Variants in EPM2A observed in about 807,000 individuals in gnomAD.
EPM2A encodes the protein EPM2A glucan phosphatase, laforin.
A neutral mutation model predicts 26.5 loss-of-function variants in EPM2A; 21 were observed. The ratio of observed to expected loss-of-function variants is 0.79; its 90% CI spans 0.56 to 1.14. The LOEUF is 1.14. Ranked by LOEUF, EPM2A falls within the 50% of genes most tolerant of loss-of-function variation. The pLI is 0.00. For synonymous variants in EPM2A, 217 were observed against 177.6 expected, an observed-to-expected ratio of 1.22 and a Z score of -1.76; for missense variants, 458 against 440.8, an observed-to-expected ratio of 1.04 and a Z score of -0.35.
Position 145,627,539 on chromosome 6 carries a change from C to T in EPM2A, c.873G>A (p.Lys291=). Residue 291 remains lysine (K), a synonymous_variant, in exon 4 of 4, where the codon AAG becomes AAA. Transcript: ENST00000367519. ...LQYVMGWNLR[K]VQYFLMAKRP... ...TCTTGGCCATGAGGAAATACTGCACCTTCCTCAGATTCCAGCCCATCACAT... is the reference window on the plus strand; with the variant it reads ...TCTTGGCCATGAGGAAATACTGCACTTTCCTCAGATTCCAGCCCATCACAT... 1.9e-6 allele frequency: 3 copies of T among 1,614,222 alleles called. No homozygotes were observed. Among genetic ancestry groups the T allele is most frequent in the Non-Finnish European group, 2.5e-6 (3 of 1,180,014 alleles).
chr6:145,709,768 C>T (rs543374466), intron 1 of EPM2A, among the ~76,000 whole-genome samples: 1 of 152,008 alleles, frequency 6.6e-6, no homozygotes, highest in Non-Finnish European at 1.5e-5. Flanking sequence ...TGTAGAAGTT[C>T]TTTAGATCAT....
At position 145,698,610 on chromosome 6, in the gene EPM2A, G is replaced by GA. The variant is rs200938162; in HGVS notation, c.302-12315dup. Among the ~76,000 whole-genome samples, 1,448 of 145,086 alleles carry GA rather than the reference G, an allele frequency of 1.0e-2. 11 individuals are homozygous for GA. The highest frequency in any genetic ancestry group is 0.023 in the African/African-American group (908 of 39,272). ...CAAGTTAATTTGAAGAAACATAATAGAAAAAAAAAAAACAAGGTAAAAGCA... is the reference window on the plus strand; with the variant it reads ...CAAGTTAATTTGAAGAAACATAATAGAAAAAAAAAAAAACAAGGTAAAAGCA... On this transcript the variant is annotated intron_variant, in intron 1 of 3. Transcript: ENST00000367519.
At chr6:145,681,549 C>T (rs954391068) in intron 2 of EPM2A, among the ~76,000 whole-genome samples, 89 of 148,974 alleles carry the variant, frequency 6.0e-4, no homozygotes, top group Admixed American at 9.4e-4. Flanking sequence ...GTCTTTAATC[C>T]ATCTTGAATT....
In EPM2A at chr6:145,600,778, T is replaced by C. The variant is rs527571050; in HGVS notation, c.340+34467A>G. Among the ~76,000 whole-genome samples the C allele has an allele frequency of 6.6e-5, 10 of 152,288 alleles. No individual in the cohort carries two copies. The East Asian group carries it at 1.7e-3, about 26-fold the overall frequency. ...GAAGCACAGGACTTCCTTTAGGCAG[T>C]TTATCCTGACAACCTAGAGGGCCAT... On this transcript the variant is annotated intron_variant, in intron 2 of 3. Transcript: ENST00000450221.
At chr6:145,733,858 ATTT>A (rs201492473) in intron 1 of EPM2A, among the ~76,000 whole-genome samples, 1 of 149,488 alleles carries the variant, frequency 6.7e-6, no homozygotes, top group Non-Finnish European at 1.5e-5. Context: ...TAAATGGCCC[ATTT>A]TTTTTTTCAT....
At chr6:145,678,423 T>C (rs1452506279) in intron 2 of EPM2A, among the ~76,000 whole-genome samples, 1 of 152,138 alleles carries the variant, frequency 6.6e-6, no homozygotes, top group Non-Finnish European at 1.5e-5. Flanking sequence ...ACTAAAGAGC[T>C]TCTGCACAGC....
intron 4 of EPM2A, among the ~76,000 whole-genome samples, chr6:145,439,292 G>A (rs117345430): frequency 0.038 from 5,765 of 152,180 alleles, 162 homozygotes; most frequent in Non-Finnish European, 0.059. Context: ...GTGTCTTTAT[G>A]GAAGAAGAAT....
intron 2 of EPM2A, among the ~76,000 whole-genome samples, chr6:145,550,285 G>A (rs929563154): frequency 6.6e-6 from 1 of 152,010 alleles, no homozygotes. Flanking sequence ...CAAGAGAGGA[G>A]ACGAGAGGGC....
intron 2 of EPM2A, among the ~76,000 whole-genome samples, chr6:145,563,433 G>A (rs1482462228): frequency 6.6e-6 from 1 of 151,902 alleles, no homozygotes; most frequent in African/African-American, 2.4e-5. Context: ...AGAGGCCAGA[G>A]TGGTGGGAAT....
chr6:145,511,644 T>C (rs1035512169), intron 2 of EPM2A, among the ~76,000 whole-genome samples: 5 of 152,142 alleles, frequency 3.3e-5, no homozygotes, highest in Admixed American at 2.6e-4. Context: ...GTTAACATAA[T>C]ACTGAATGGG....
At chr6:145,473,512 C>T (rs1396230780) in intron 4 of EPM2A, among the ~76,000 whole-genome samples, 1 of 151,968 alleles carries the variant, frequency 6.6e-6, no homozygotes, top group African/African-American at 2.4e-5. Flanking sequence ...GGGATAATAA[C>T]AGAGAACTTC....
At chr6:145,554,567 A>C (rs1582848710) in intron 2 of EPM2A, among the ~76,000 whole-genome samples, 1 of 152,086 alleles carries the variant, frequency 6.6e-6, no homozygotes, top group East Asian at 1.9e-4. Flanking sequence ...ATAATTAATA[A>C]ACAGAAATTT....
chr6:145,430,856 A>C (rs1778912162), intron 4 of EPM2A, among the ~76,000 whole-genome samples: 2 of 152,224 alleles, frequency 1.3e-5, no homozygotes, highest in African/African-American at 2.4e-5. Flanking sequence ...CTGAAAAAAT[A>C]TTCATAGTTT....
rs541837367 is a variant in EPM2A, at chr6:145,650,107, CAGAT to C, written c.477-14625_477-14622del. Among the ~76,000 whole-genome samples, 152 of 152,218 alleles carry C rather than the reference CAGAT, an allele frequency of 1.0e-3. 1 individual carries two copies. Among genetic ancestry groups the C allele is most frequent in the Admixed American group, 6.6e-3 (101 of 15,272 alleles). On this transcript the variant is annotated intron_variant, in intron 2 of 3. Transcript: ENST00000367519. ...TGGAAAGGATAAAAGATGAGGATCA[CAGAT>C]AGAAGAGCTGCTGATGGGAAGGAAC...
chr6:145,655,855 G>A (rs1158183083), intron 2 of EPM2A, among the ~76,000 whole-genome samples: 1 of 152,152 alleles, frequency 6.6e-6, no homozygotes, highest in African/African-American at 2.4e-5. Context: ...ACATGAATGT[G>A]TGACCCTGGA....
At position 145,486,072 on chromosome 6, in the gene EPM2A, G is replaced by C. The variant is rs554477839; in HGVS notation, c.555+16450C>G. Reference sequence around the variant, plus strand: ...AACCAAAGCCAAGAAATTTCATGCTGTGAGCTGTGGGTTGGCTGAGAGTTT... The same window carrying C: ...AACCAAAGCCAAGAAATTTCATGCTCTGAGCTGTGGGTTGGCTGAGAGTTT... On this transcript the variant is annotated intron_variant, in intron 4 of 4. Transcript: ENST00000638717. Among the ~76,000 whole-genome samples, 6 of 152,308 alleles carry C rather than the reference G, an allele frequency of 3.9e-5. No individual in the cohort carries two copies. The South Asian group carries it at 1.0e-3, about 26-fold the overall frequency.
At chr6:145,387,677 G>A in intron 4 of EPM2A, among the ~76,000 whole-genome samples, 1 of 151,924 alleles carries the variant, frequency 6.6e-6, no homozygotes, top group East Asian at 1.9e-4. Context: ...TGCTTTCATA[G>A]TAACAGCAGG....
rs150165298 is a variant in EPM2A at position 145,422,871 on chromosome 6, A to G, written c.556-38774T>C. Among the ~76,000 whole-genome samples the G allele has an allele frequency of 3.7e-4, 57 of 152,190 alleles. No homozygotes were observed. In the East Asian group the frequency reaches 9.3e-3, roughly 25 times the overall value. ...ATCAATAAGGGTCCTGTTGTTTTTA[A>G]TATTTAATCACTAAAAATTTTTTTT... is the stretch of plus-strand genomic sequence containing the variant. On this transcript the variant is annotated intron_variant, in intron 4 of 4. Coordinates refer to the EPM2A transcript ENST00000638717.
At chr6:145,542,745 T>G (rs1306728150) in intron 2 of EPM2A, among the ~76,000 whole-genome samples, 1 of 152,144 alleles carries the variant, frequency 6.6e-6, no homozygotes, top group Non-Finnish European at 1.5e-5. Context: ...TCTGTTTTTT[T>G]CTGTTTTTGG....
Sources: gnomAD v4.1 joint callset for allele counts (sites outside exome capture counted in the v4.1 genomes callset) on GRCh38, gnomAD v4.1.1 for gene constraint, MANE v1.5 for transcripts, NCBI Gene and HGNC (gene_info 2026-07-23, HGNC 2026-07-21) for gene names.